Variants in CDK5RAP2 observed in about 807,000 individuals in gnomAD.
CDK5RAP2 encodes the protein CDK5 regulatory subunit-associated protein 2.
In CDK5RAP2, 147 loss-of-function variants were observed where a neutral mutation model predicts 232.9. The ratio of observed to expected loss-of-function variants is 0.63; its 90% CI spans 0.55 to 0.72. CDK5RAP2 has a LOEUF of 0.72. CDK5RAP2 is among the 30% of genes least tolerant of loss of function. The pLI is 0.00. For synonymous variants in CDK5RAP2, 833 were observed against 833.7 expected, an observed-to-expected ratio of 1.00 and a Z score of 0.01; for missense variants, 2,195 against 2,231.5, an observed-to-expected ratio of 0.98 and a Z score of 0.33.
chr9:120,500,347 C>A (rs1255723502), intron 12 of CDK5RAP2, among the ~76,000 whole-genome samples: 1 of 152,064 alleles, frequency 6.6e-6, no homozygotes, highest in Admixed American at 6.6e-5. Flanking sequence ...AATTACTAGG[C>A]CTAAGGGTAA....
At chr9:120,477,329 T>C (rs1277757515) in intron 15 of CDK5RAP2, 21 bp downstream of exon 15, 3 of 1,545,362 alleles carry the variant, frequency 1.9e-6, no homozygotes, top group African/African-American at 2.7e-5. Flanking sequence ...ACATGTGTGA[T>C]GTCCAGACAG....
Position 120,471,887 on chromosome 9 carries a change from A to G in CDK5RAP2, c.1728-9T>C. 1 of 1,614,074 alleles carries G rather than the reference A, an allele frequency of 6.2e-7. No individual in the cohort carries two copies. The highest frequency in any genetic ancestry group is 8.5e-7 in the Non-Finnish European group (1 of 1,179,942). On this transcript the variant is annotated splice_polypyrimidine_tract_variant and intron_variant, in intron 15 of 37. Coordinates refer to ENST00000349780, the MANE Select transcript of CDK5RAP2 (RefSeq NM_018249.6). ...CCTGCAGGTTGTTGATACTTGGTAA[A>G]ACAAGACACCAGAAGTTTTAAAACA...
chr9:120,465,278 C>A (rs1258560208), intron 18 of CDK5RAP2, among the ~76,000 whole-genome samples: 1 of 152,202 alleles, frequency 6.6e-6, no homozygotes, highest in Non-Finnish European at 1.5e-5. Context: ...CCTGACTACA[C>A]TCTGCTGAAA....
intron 35 of CDK5RAP2, among the ~76,000 whole-genome samples, chr9:120,395,771 C>G (rs116425989): frequency 0.014 from 2,137 of 152,258 alleles, 54 homozygotes; most frequent in African/African-American, 0.048. Context: ...AAAGAGAGAA[C>G]TGGTTGTATG....
At position 120,394,649 on chromosome 9, in the gene CDK5RAP2, G is replaced by C. The variant is rs777456961; in HGVS notation, c.5452-11C>G. 1 of 1,593,428 alleles carries C rather than the reference G, an allele frequency of 6.3e-7. No individual in the cohort carries two copies. The highest frequency in any genetic ancestry group is 1.1e-5 in the South Asian group (1 of 90,648). ...CTTCATTTCTCCAATCTAAAGAGAA[G>C]AGAAATTAGAAAAATGAACAAAGAA... is the stretch of plus-strand genomic sequence containing the variant. On this transcript the variant is annotated splice_polypyrimidine_tract_variant and intron_variant, in intron 35 of 37. Transcript: ENST00000349780.
intron 12 of CDK5RAP2, among the ~76,000 whole-genome samples, chr9:120,516,079 C>T (rs1467484849): frequency 2.0e-5 from 3 of 152,134 alleles, no homozygotes; most frequent in African/African-American, 7.2e-5. Context: ...ATGTTTATTT[C>T]GGCACTATTC....
chr9:120,408,292 G>C, intron 31 of CDK5RAP2, 55 bp downstream of exon 31: 2 of 1,608,482 alleles, frequency 1.2e-6, no homozygotes, highest in Non-Finnish European at 8.5e-7. Flanking sequence ...GCCAGCTGTC[G>C]GGTGGTCTTA....
At chr9:120,517,746 A>C (rs1406756415) in intron 12 of CDK5RAP2, 1 of 211,816 alleles carries the variant, frequency 4.7e-6, no homozygotes, top group African/African-American at 2.3e-5. Context: ...TCTTTGGCCC[A>C]GTTATTATAC....
chr9:120,430,613 C>T (rs1588312743), intron 25 of CDK5RAP2, among the ~76,000 whole-genome samples: 4 of 152,210 alleles, frequency 2.6e-5, no homozygotes, highest in South Asian at 4.1e-4. Context: ...CAGGAAACAA[C>T]AGGTGCTAGA....
chr9:120,480,927 T>C (rs2038271338), intron 14 of CDK5RAP2, among the ~76,000 whole-genome samples: 1 of 152,186 alleles, frequency 6.6e-6, no homozygotes, highest in South Asian at 2.1e-4. Flanking sequence ...CAAATGCCTT[T>C]TGTACACAAC....
chr9:120,568,457 G>A, intron 2 of CDK5RAP2, 69 bp from the exon 3 acceptor site: 2 of 1,085,464 alleles, frequency 1.8e-6, no homozygotes, highest in East Asian at 2.4e-5. Context: ...TTGGGGAATA[G>A]AGCACAGAGA....
chr9:120,533,713 A>C (rs2041257476), intron 7 of CDK5RAP2, among the ~76,000 whole-genome samples: 1 of 148,844 alleles, frequency 6.7e-6, no homozygotes, highest in Non-Finnish European at 1.5e-5. Flanking sequence ...TAAGAGAATC[A>C]CCTGAACCTG....
intron 12 of CDK5RAP2, among the ~76,000 whole-genome samples, chr9:120,507,939 AAAAAT>A (rs1485674298): frequency 3.7e-4 from 12 of 32,804 alleles, no homozygotes; most frequent in East Asian, 1.0e-3. Context: ...AAAAAAAAAA[AAAAAT>A]ATATATATAT....
At chr9:120,479,389 A>G (rs576846373) in intron 14 of CDK5RAP2, among the ~76,000 whole-genome samples, 2 of 152,250 alleles carry the variant, frequency 1.3e-5, no homozygotes, top group Non-Finnish European at 2.9e-5. Flanking sequence ...ATGTTTACAT[A>G]GACTCAAAAC....
At chr9:120,547,024 T>A (rs1036120787) in intron 4 of CDK5RAP2, among the ~76,000 whole-genome samples, 3 of 152,028 alleles carry the variant, frequency 2.0e-5, no homozygotes, top group African/African-American at 7.2e-5. Flanking sequence ...CTTGCTCTTG[T>A]CACCCAGTCT....
At chr9:120,435,996 A>G (rs1389611907) in intron 25 of CDK5RAP2, among the ~76,000 whole-genome samples, 2 of 152,232 alleles carry the variant, frequency 1.3e-5, no homozygotes, top group Non-Finnish European at 2.9e-5. Flanking sequence ...CTCATGGTAG[A>G]AGTTTGAAGA....
chr9:120,530,518 G>A (rs2041102359), intron 7 of CDK5RAP2, among the ~76,000 whole-genome samples: 1 of 152,176 alleles, frequency 6.6e-6, no homozygotes, highest in Admixed American at 6.5e-5. Context: ...AAGCAGAGCT[G>A]TTCCGATAAG....
intron 13 of CDK5RAP2, among the ~76,000 whole-genome samples, chr9:120,491,032 C>A (rs1440866989): frequency 6.6e-6 from 1 of 152,146 alleles, no homozygotes; most frequent in Non-Finnish European, 1.5e-5. Context: ...AGTGAAGTGG[C>A]CTGAGCACTA....
chr9:120,562,215 G>A (rs2042486350), intron 3 of CDK5RAP2, among the ~76,000 whole-genome samples: 1 of 152,102 alleles, frequency 6.6e-6, no homozygotes, highest in Non-Finnish European at 1.5e-5. Flanking sequence ...TTGGGCTCAA[G>A]AGTAATTTTA....
Sources: allele counts gnomAD v4.1 joint callset (sites outside exome capture counted in the v4.1 genomes callset), GRCh38; gene constraint gnomAD v4.1.1; transcripts MANE v1.5; gene names NCBI Gene and HGNC (gene_info 2026-07-23, HGNC 2026-07-21).